Variants in GLI2 observed in about 807,000 individuals in gnomAD.
The protein encoded by GLI2 is GLI family zinc finger 2, also known as transcription activator GLI2.
In GLI2, 22 loss-of-function variants were observed where a neutral mutation model predicts 78.9. The observed-to-expected ratio is 0.28, with a 90% CI of 0.20 to 0.40. GLI2 has a LOEUF of 0.40. Among genes scored for constraint, GLI2 ranks in the 10% least tolerant of loss-of-function variants. The pLI is 1.00. For synonymous variants in GLI2, 974 were observed against 963.7 expected (o/e 1.01, Z -0.20); for missense variants, 2,097 against 2,213.2 (o/e 0.95, Z 1.05).
intron 1 of GLI2, among the ~76,000 whole-genome samples, chr2:120,779,470 G>T (rs1683775913): frequency 6.6e-6 from 1 of 152,008 alleles, no homozygotes. Flanking sequence ...GACGGCAAAG[G>T]TGCCACAGAG....
At chr2:120,762,661 T>A (rs1683248821) in intron 1 of GLI2, among the ~76,000 whole-genome samples, 1 of 152,018 alleles carries the variant, frequency 6.6e-6, no homozygotes, top group Non-Finnish European at 1.5e-5. Context: ...ATCGAGAGCG[T>A]CGAGGGCCTG....
chr2:120,989,464 C>T lies in GLI2; in HGVS notation c.3499C>T (p.Pro1167Ser). The T allele has an allele frequency of 6.2e-7, 1 of 1,613,104 alleles. No individual in the cohort carries two copies. Among genetic ancestry groups the T allele is most frequent in the Non-Finnish European group, 8.5e-7 (1 of 1,179,984 alleles). ...VQQKPAFGQYPGYSPQGLQAS... is the reference protein window; with the variant it reads ...VQQKPAFGQYSGYSPQGLQAS... ...GCAGAAGCCTGCCTTTGGCCAGTAC[C>T]CGGGCTACAGTCCGCAAGGCCTACA... The change falls in exon 14 of 14, where the codon CCG (proline) becomes TCG (serine). Residue 1167 changes from proline to serine, a missense_variant. Pro to Ser is a moderately conservative substitution (Grantham distance 74). Around this residue, in one of 5 missense-constraint regions of GLI2, gnomAD observed 1,290 missense variants for 1,261.7 expected, o/e 1.02. Transcript: ENST00000361492.
rs1052270030 is a variant in GLI2 at position 120,815,772 on chromosome 2, C to T, written c.148+18304C>T. 5.9e-5 allele frequency among the ~76,000 whole-genome samples: 9 copies of T among 152,158 alleles called. No homozygotes were observed. In the South Asian group the frequency reaches 1.7e-3, roughly 28 times the overall value. Reference sequence around the variant, plus strand: ...GTGATAGGATCAGCTCCTGCCCAGTCGTGGGAGCAGTGATATCTCTACAAA... The same window carrying T: ...GTGATAGGATCAGCTCCTGCCCAGTTGTGGGAGCAGTGATATCTCTACAAA... On this transcript the variant is annotated intron_variant, in intron 2 of 13. Transcript: ENST00000361492.
chr2:120,841,050 TA>T (rs1686845343), intron 2 of GLI2, among the ~76,000 whole-genome samples: 1 of 152,244 alleles, frequency 6.6e-6, no homozygotes, highest in Non-Finnish European at 1.5e-5. Flanking sequence ...GGAGGGCCTT[TA>T]GTTTCCCTTG....
chr2:120,916,480 A>C (rs1177121089), intron 2 of GLI2, among the ~76,000 whole-genome samples: 1 of 152,180 alleles, frequency 6.6e-6, no homozygotes, highest in Non-Finnish European at 1.5e-5. Flanking sequence ...TCCAGACCTC[A>C]TGGAAATCTT....
At chr2:120,813,121 C>T (rs1391289666) in intron 2 of GLI2, among the ~76,000 whole-genome samples, 1 of 152,236 alleles carries the variant, frequency 6.6e-6, no homozygotes, top group Non-Finnish European at 1.5e-5. Context: ...AGCGCCTGAG[C>T]ACCACTAATA....
At position 120,992,317 on chromosome 2, in the gene GLI2, T is replaced by C. The variant is rs1197864978; in HGVS notation, c.*1642T>C. On this transcript the variant is annotated 3_prime_UTR_variant, in exon 14 of 14. Coordinates refer to ENST00000361492, the MANE Select transcript of GLI2 (RefSeq NM_001374353.1). ...CGCCTTCCTGAGATAGGATTTCCCT[T>C]GCCAGTCCCAACCTGTATATATTCT... 1 of 152,212 alleles carries C rather than the reference T, an allele frequency of 6.6e-6. No individual in the cohort carries two copies. Among genetic ancestry groups the C allele is most frequent in the Non-Finnish European group, 1.5e-5 (1 of 68,038 alleles). The allele number at this position is 152,212 out of a possible 1,614,324, so 9.4% of individuals were successfully genotyped here.
chr2:120,873,438 CAA>C (rs1323801821), intron 2 of GLI2, among the ~76,000 whole-genome samples: 2 of 152,218 alleles, frequency 1.3e-5, no homozygotes. Flanking sequence ...CATTACTTTT[CAA>C]TTTGACAGAC....
chr2:120,902,744 C>T (rs769745194), intron 2 of GLI2, among the ~76,000 whole-genome samples: 14 of 152,194 alleles, frequency 9.2e-5, no homozygotes, highest in Non-Finnish European at 4.4e-5. Flanking sequence ...TTCCTGGCAT[C>T]TGGTTCCTAT....
chr2:120,944,781 T>C (rs1245613081), intron 3 of GLI2, among the ~76,000 whole-genome samples: 1 of 152,254 alleles, frequency 6.6e-6, no homozygotes, highest in Non-Finnish European at 1.5e-5. Context: ...TTTCCTGGTC[T>C]GTAAAATGGA....
chr2:120,971,529 GC>G (rs1682170443), intron 7 of GLI2, among the ~76,000 whole-genome samples: 1 of 152,230 alleles, frequency 6.6e-6, no homozygotes, highest in South Asian at 2.1e-4. Flanking sequence ...TTTAGCTCTA[GC>G]CCCTTCTCCT....
chr2:120,958,694 A>T (rs1681395922), intron 5 of GLI2, among the ~76,000 whole-genome samples: 1 of 152,014 alleles, frequency 6.6e-6, no homozygotes, highest in African/African-American at 2.4e-5. Context: ...ACTGCCCCAC[A>T]TGCAGGTCCC....
At chr2:120,813,619 A>C (rs1177134674) in intron 2 of GLI2, among the ~76,000 whole-genome samples, 2 of 152,186 alleles carry the variant, frequency 1.3e-5, no homozygotes, top group African/African-American at 4.8e-5. Flanking sequence ...ATGTTCTTGT[A>C]CATGCAGCTG....
At chr2:120,979,737 G>C (rs2105055028) in intron 10 of GLI2, among the ~76,000 whole-genome samples, 1 of 152,198 alleles carries the variant, frequency 6.6e-6, no homozygotes, top group Non-Finnish European at 1.5e-5. Context: ...CTCATTAGCA[G>C]CCACTCCTAA....
At chr2:120,900,772 G>A (rs931372042) in intron 2 of GLI2, among the ~76,000 whole-genome samples, 10 of 152,200 alleles carry the variant, frequency 6.6e-5, no homozygotes, top group African/African-American at 2.2e-4. Context: ...GATGTTGAGC[G>A]GTTTGCTCAG....
At chr2:120,754,136 G>T (rs989663263) in intron 1 of GLI2, among the ~76,000 whole-genome samples, 1 of 152,048 alleles carries the variant, frequency 6.6e-6, no homozygotes, top group Non-Finnish European at 1.5e-5. Flanking sequence ...TCATAAGGGT[G>T]GGTGTTTTTG....
At position 120,984,741 on chromosome 2, in the gene GLI2, G is replaced by A. The variant is rs199958307; in HGVS notation, c.1903G>A (p.Gly635Arg). Residue 635 changes from glycine to arginine, a missense_variant and splice_region_variant, in exon 12 of 14, where the codon GGG (glycine) becomes AGG (arginine). This residue lies in a region of GLI2 where 68 missense variants were observed against 104.4 expected (regional missense o/e 0.65). Coordinates refer to ENST00000361492, the MANE Select transcript of GLI2 (RefSeq NM_001374353.1). ...HVRAIKTESSGLCQSSPGAQS... is the reference protein window; with the variant it reads ...HVRAIKTESSRLCQSSPGAQS... ...CAGAGCCATCAAGACCGAGAGCTCCGGGGTAAGCGGAGCTGGGCAGCCCAG... is the reference window on the plus strand; with the variant it reads ...CAGAGCCATCAAGACCGAGAGCTCCAGGGTAAGCGGAGCTGGGCAGCCCAG... The A allele has an allele frequency of 1.6e-5, 25 of 1,612,204 alleles. No homozygotes were observed. Among genetic ancestry groups the A allele is most frequent in the South Asian group, 1.4e-4 (13 of 91,054 alleles).
chr2:120,769,376 C>T (rs1042726540), intron 1 of GLI2, among the ~76,000 whole-genome samples: 7 of 152,308 alleles, frequency 4.6e-5, no homozygotes, highest in South Asian at 4.1e-4. Flanking sequence ...TGGGGGATTC[C>T]GGGGCTCCAT....
chr2:120,835,356 C>G (rs1443689166), intron 2 of GLI2, among the ~76,000 whole-genome samples: 1 of 151,592 alleles, frequency 6.6e-6, no homozygotes, highest in African/African-American at 2.4e-5. Flanking sequence ...GTCAGTCCTC[C>G]CAGGCCCCAG....
Sources: allele counts gnomAD v4.1 joint callset (sites outside exome capture counted in the v4.1 genomes callset), GRCh38; gene constraint gnomAD v4.1.1; regional missense constraint gnomAD v4.1.1; transcripts MANE v1.5; gene names NCBI Gene and HGNC (gene_info 2026-07-23, HGNC 2026-07-21).